Variants in IQCM observed in about 807,000 individuals in gnomAD.
The protein encoded by IQCM is IQ domain-containing protein M.
A neutral mutation model predicts 57.6 loss-of-function variants in IQCM; 45 were observed. The ratio of observed to expected loss-of-function variants is 0.78; its 90% CI spans 0.62 to 1.00. The LOEUF (loss-of-function observed/expected upper bound fraction) is 1.00, where lower values mean the gene tolerates loss of function less well. IQCM is among the 50% of genes least tolerant of loss of function. IQCM has a pLI of 0.00. For synonymous variants in IQCM, 148 were observed against 158.9 expected, an observed-to-expected ratio of 0.93 and a Z score of 0.51; for missense variants, 468 against 511.6, an observed-to-expected ratio of 0.91 and a Z score of 0.82.
intron 12 of IQCM, among the ~76,000 whole-genome samples, chr4:149,515,677 C>G (rs558515326): frequency 6.6e-6 from 1 of 152,194 alleles, no homozygotes; most frequent in Non-Finnish European, 1.5e-5. Flanking sequence ...TTGGAGAGAA[C>G]TCTGAGCAGT....
chr4:149,537,661 C>A (rs1346311017), intron 12 of IQCM, among the ~76,000 whole-genome samples: 1 of 151,690 alleles, frequency 6.6e-6, no homozygotes, highest in Non-Finnish European at 1.5e-5. Context: ...TGTAAACAAA[C>A]CATAGACAAA....
chr4:149,541,901 A>T lies in IQCM; in HGVS notation c.1228+6554T>A, dbSNP rs549681351. Among the ~76,000 whole-genome samples, 74 of 152,254 alleles carry T rather than the reference A, an allele frequency of 4.9e-4. 1 individual carries two copies. In the South Asian group the frequency reaches 0.015, roughly 32 times the overall value. On this transcript the variant is annotated intron_variant, in intron 12 of 13. Transcript: ENST00000636793. ...GTGAAATATTCTACTGGATGAAAAA[A>T]TGCGTAGGTTGCACATCTGGAGCTA...
chr4:149,467,994 C>T (rs1406291069), intron 12 of IQCM, among the ~76,000 whole-genome samples: 1 of 152,102 alleles, frequency 6.6e-6, no homozygotes, highest in African/African-American at 2.4e-5. Flanking sequence ...TGTTAGAAAG[C>T]AGTAAATATG....
At chr4:149,399,908 C>A (rs1160277755) in intron 13 of IQCM, among the ~76,000 whole-genome samples, 1 of 151,884 alleles carries the variant, frequency 6.6e-6, no homozygotes, top group Non-Finnish European at 1.5e-5. Flanking sequence ...TATGAAAAGG[C>A]TAGAATTTAT....
chr4:149,509,486 C>T (rs1428949638), intron 12 of IQCM, among the ~76,000 whole-genome samples: 2 of 151,836 alleles, frequency 1.3e-5, no homozygotes, highest in African/African-American at 4.8e-5. Flanking sequence ...CTATCTTGCC[C>T]AAGCTGGTCT....
At chr4:149,395,894 C>G (rs930229238) in intron 13 of IQCM, among the ~76,000 whole-genome samples, 1 of 151,856 alleles carries the variant, frequency 6.6e-6, no homozygotes, top group African/African-American at 2.4e-5. Flanking sequence ...AAATAAAAAT[C>G]CAGTTTTACT....
intron 12 of IQCM, among the ~76,000 whole-genome samples, chr4:149,469,641 C>T (rs1739283271): frequency 6.6e-6 from 1 of 152,056 alleles, no homozygotes; most frequent in Non-Finnish European, 1.5e-5. Flanking sequence ...AGATATTCCT[C>T]GAGAAGAGCA....
At chr4:149,374,925 G>A (rs545086835) in intron 13 of IQCM, among the ~76,000 whole-genome samples, 63 of 151,948 alleles carry the variant, frequency 4.1e-4, no homozygotes, top group African/African-American at 1.5e-3. Flanking sequence ...AAAAACTAGA[G>A]GACAAGATTA....
chr4:149,360,645 T>G (rs754505901), intron 13 of IQCM, among the ~76,000 whole-genome samples: 3 of 152,138 alleles, frequency 2.0e-5, no homozygotes, highest in Non-Finnish European at 4.4e-5. Flanking sequence ...TCTGATAGGT[T>G]TATCAGGGGT....
At chr4:149,656,949 T>G (rs1759689039) in intron 7 of IQCM, among the ~76,000 whole-genome samples, 1 of 152,164 alleles carries the variant, frequency 6.6e-6, no homozygotes, top group South Asian at 2.1e-4. Context: ...TGAGAGACGG[T>G]GGTGGCATTA....
intron 13 of IQCM, among the ~76,000 whole-genome samples, chr4:149,375,442 A>G (rs949845030): frequency 4.6e-5 from 7 of 152,156 alleles, no homozygotes; most frequent in African/African-American, 1.7e-4. Flanking sequence ...AGGAAAGTCC[A>G]TATCACCAGG....
At chr4:149,784,874 TTTG>T (rs1474333407) in intron 2 of IQCM, among the ~76,000 whole-genome samples, 1 of 152,236 alleles carries the variant, frequency 6.6e-6, no homozygotes, top group African/African-American at 2.4e-5. Context: ...AGGTACAGAC[TTTG>T]TTAACTGTTG....
At chr4:149,671,542 C>T (rs1362763471) in intron 7 of IQCM, among the ~76,000 whole-genome samples, 1 of 152,124 alleles carries the variant, frequency 6.6e-6, no homozygotes, top group African/African-American at 2.4e-5. Context: ...TTTGCTCTTG[C>T]TTCTCCAGTT....
At chr4:149,783,171 C>T (rs1035985148) in intron 2 of IQCM, among the ~76,000 whole-genome samples, 10 of 152,332 alleles carry the variant, frequency 6.6e-5, no homozygotes, top group Admixed American at 5.2e-4. Context: ...CCTAACTTAA[C>T]AAGTCTAAAA....
At chr4:149,777,354 A>C (rs186213722) in intron 2 of IQCM, among the ~76,000 whole-genome samples, 2 of 152,226 alleles carry the variant, frequency 1.3e-5, no homozygotes, top group African/African-American at 4.8e-5. Flanking sequence ...AAGGATGCGT[A>C]TGTGTTTTTA....
chr4:149,647,484 G>T (rs1243021024), intron 7 of IQCM, among the ~76,000 whole-genome samples: 3 of 151,996 alleles, frequency 2.0e-5, no homozygotes, highest in Non-Finnish European at 2.9e-5. Context: ...ATTGGAAGTT[G>T]TGTTTCTTAA....
At chr4:149,356,095 GT>G (rs1252934673) in intron 13 of IQCM, among the ~76,000 whole-genome samples, 1 of 152,174 alleles carries the variant, frequency 6.6e-6, no homozygotes, top group South Asian at 2.1e-4. Flanking sequence ...GGGGCTGTTT[GT>G]TTTTTTCTTG....
At chr4:149,702,300 TCACACACACACACA>T (rs3085128) in intron 5 of IQCM, among the ~76,000 whole-genome samples, 1 of 145,842 alleles carries the variant, frequency 6.9e-6, no homozygotes, top group African/African-American at 2.5e-5. Flanking sequence ...CTCCCTCACT[TCACACACACACACA>T]CACACACACA....
chr4:149,484,056 G>A (rs1741200751), intron 12 of IQCM, among the ~76,000 whole-genome samples: 1 of 151,806 alleles, frequency 6.6e-6, no homozygotes, highest in Non-Finnish European at 1.5e-5. Flanking sequence ...TTTTTGTCTT[G>A]AAATTTGTTT....
Sources: allele counts gnomAD v4.1 joint callset (sites outside exome capture counted in the v4.1 genomes callset), GRCh38; gene constraint gnomAD v4.1.1; transcripts MANE v1.5; gene names NCBI Gene and HGNC (gene_info 2026-07-23, HGNC 2026-07-21).